INVS: variants seen among roughly 807,000 people sequenced by gnomAD.
INVS encodes the protein inversion of embryo turning homolog.
In INVS, 86 loss-of-function variants were observed where a neutral mutation model predicts 108.8. The observed-to-expected ratio is 0.79, with a 90% CI of 0.66 to 0.95. INVS has a LOEUF of 0.95. INVS is among the 40% of genes least tolerant of loss of function. The pLI is 0.00. For missense variants in INVS, 1,169 were observed against 1,297.4 expected (o/e 0.90, Z 1.52); for synonymous variants, 455 against 473.5 (o/e 0.96, Z 0.51).
At chr9:100,226,490 A>G (rs1831326942) in intron 4 of INVS, among the ~76,000 whole-genome samples, 2 of 152,138 alleles carry the variant, frequency 1.3e-5, no homozygotes, top group African/African-American at 4.8e-5. Flanking sequence ...AGTTTGCCCA[A>G]GATGCAAGTG....
At chr9:100,132,075 A>C in intron 3 of INVS, 2 of 160,434 alleles carry the variant, frequency 1.2e-5, no homozygotes, top group Non-Finnish European at 2.6e-5. Context: ...ACCATAACTC[A>C]TCACCACAGT....
chr9:100,101,808 C>T (rs1481962338), intron 1 of INVS: 1 of 152,192 alleles, frequency 6.6e-6, no homozygotes, highest in Non-Finnish European at 1.5e-5. Flanking sequence ...TGATTAACAG[C>T]TGCTCCCTTT....
chr9:100,138,004 A>G (rs1171446293), intron 3 of INVS, among the ~76,000 whole-genome samples: 1 of 152,256 alleles, frequency 6.6e-6, no homozygotes, highest in East Asian at 1.9e-4. Context: ...CTGAGAGTCA[A>G]CGTAATAATA....
At chr9:100,254,910 G>T (rs1588125050) in intron 10 of INVS, among the ~76,000 whole-genome samples, 1 of 152,052 alleles carries the variant, frequency 6.6e-6, no homozygotes, top group Non-Finnish European at 1.5e-5. Flanking sequence ...GCTCTTTTTT[G>T]GTTCCATGTG....
chr9:100,277,133 G>A (rs939826690), intron 12 of INVS, among the ~76,000 whole-genome samples: 2 of 152,176 alleles, frequency 1.3e-5, no homozygotes, highest in Non-Finnish European at 2.9e-5. Context: ...TCTCAAGATA[G>A]CATATTCCAT....
intron 12 of INVS, among the ~76,000 whole-genome samples, chr9:100,283,160 T>A (rs1259248051): frequency 6.6e-6 from 1 of 151,880 alleles, no homozygotes. Flanking sequence ...CTACAAAAAA[T>A]TTAAAAATTA....
intron 3 of INVS, among the ~76,000 whole-genome samples, chr9:100,213,198 A>G (rs1451732926): frequency 1.1e-5 from 1 of 91,132 alleles, no homozygotes; most frequent in African/African-American, 3.6e-5. Flanking sequence ...CAACACATGA[A>G]TTGGGGGGGT....
intron 13 of INVS, among the ~76,000 whole-genome samples, chr9:100,288,902 A>G (rs1280129017): frequency 6.6e-6 from 1 of 152,178 alleles, no homozygotes; most frequent in Non-Finnish European, 1.5e-5. Flanking sequence ...CTGGGATTTT[A>G]TAAGTGTTAG....
At chr9:100,140,656 A>C (rs1828396188) in intron 3 of INVS, among the ~76,000 whole-genome samples, 2 of 152,094 alleles carry the variant, frequency 1.3e-5, no homozygotes, top group South Asian at 4.1e-4. Flanking sequence ...GGACAGCGAA[A>C]ATTTTGGGGG....
intron 3 of INVS, among the ~76,000 whole-genome samples, chr9:100,188,179 T>C (rs1336407832): frequency 6.6e-6 from 1 of 152,196 alleles, no homozygotes; most frequent in African/African-American, 2.4e-5. Flanking sequence ...TTCTTTCTCG[T>C]GCTGATTGCT....
chr9:100,239,945 G>A, intron 5 of INVS, 115 bp from the exon 6 acceptor site: 1 of 940,662 alleles, frequency 1.1e-6, no homozygotes, highest in Non-Finnish European at 1.7e-6. Flanking sequence ...CTCCAACCTG[G>A]GTGACAGAAC....
At chr9:100,224,903 C>T (rs889029337) in intron 3 of INVS, among the ~76,000 whole-genome samples, 2 of 151,780 alleles carry the variant, frequency 1.3e-5, no homozygotes, top group African/African-American at 2.4e-5. Flanking sequence ...CATGAGCCAC[C>T]GCACCCGGCC....
intron 3 of INVS, among the ~76,000 whole-genome samples, chr9:100,156,672 G>A (rs1176624165): frequency 6.6e-6 from 1 of 152,030 alleles, no homozygotes; most frequent in Non-Finnish European, 1.5e-5. Flanking sequence ...TGTCCTGTCT[G>A]TCTCATTTTC....
chr9:100,172,274 C>A (rs1308461081), intron 3 of INVS, among the ~76,000 whole-genome samples: 18 of 152,108 alleles, frequency 1.2e-4, no homozygotes, highest in Admixed American at 1.2e-3. Flanking sequence ...CTATGAGCTT[C>A]TAGAATACAG....
intron 3 of INVS, among the ~76,000 whole-genome samples, chr9:100,145,409 T>G: frequency 6.9e-6 from 1 of 144,910 alleles, no homozygotes. Context: ...AGTCAGGGCA[T>G]GGAAATAAGG....
chr9:100,205,756 A>G (rs1403972466), intron 3 of INVS, among the ~76,000 whole-genome samples: 1 of 151,990 alleles, frequency 6.6e-6, no homozygotes, highest in Non-Finnish European at 1.5e-5. Context: ...AATCTCTATA[A>G]CTATCCATTT....
At chr9:100,262,849 T>G (rs1432408465) in intron 10 of INVS, among the ~76,000 whole-genome samples, 1 of 152,002 alleles carries the variant, frequency 6.6e-6, no homozygotes, top group Non-Finnish European at 1.5e-5. Context: ...CAGGCTCGGG[T>G]GATCATCCCA....
chr9:100,253,170 C>A, intron 10 of INVS, 34 bp downstream of exon 10: 1 of 1,517,594 alleles, frequency 6.6e-7, no homozygotes, highest in East Asian at 2.3e-5. Context: ...TTGTTTGCTC[C>A]AAAGAATTTA....
rs199553226 is a variant in INVS, at chr9:100,272,967, G to A, written c.1675G>A (p.Ala559Thr). 168 of 1,613,890 alleles carry A rather than the reference G, an allele frequency of 1.0e-4. No individual in the cohort carries two copies. The highest frequency in any genetic ancestry group is 1.3e-4 in the Non-Finnish European group (154 of 1,179,996). ...CATCGCAGCCATACAAGACATCGCC[G>A]CCTTCAAAATCCAAGCTGTCTACAA... ...LSIAAIQDIA[A>T]FKIQAVYKGY... The change falls in exon 12 of 17, where the codon GCC (alanine) becomes ACC (threonine). Residue 559 changes from alanine (A) to threonine (T), a missense_variant. Physicochemically the swap from Ala to Thr is moderately conservative, Grantham distance 58. Coordinates refer to ENST00000262457, the MANE Select transcript of INVS (RefSeq NM_014425.5).
Sources: allele counts gnomAD v4.1 joint callset (sites outside exome capture counted in the v4.1 genomes callset), GRCh38; gene constraint gnomAD v4.1.1; transcripts MANE v1.5; gene names NCBI Gene and HGNC (gene_info 2026-07-23, HGNC 2026-07-21).